Variants in FARP1 observed in about 807,000 individuals in gnomAD.
FARP1 encodes the protein FERM, ARH/RhoGEF and pleckstrin domain protein 1.
FARP1 carries 52 observed loss-of-function variants against 128.8 expected under a neutral mutation model. That is an observed-to-expected ratio of 0.40 (90% confidence interval 0.32 to 0.51). FARP1 has a LOEUF of 0.51. FARP1 is among the 20% of genes least tolerant of loss of function. The pLI, the probability that FARP1 is intolerant of heterozygous loss-of-function variation, is 0.45. For missense variants in FARP1, 1,333 were observed against 1,367.9 expected (o/e 0.97, Z 0.40); for synonymous variants, 580 against 551.8 (o/e 1.05, Z -0.72).
rs1297098572 is a variant in FARP1 at position 98,349,849 on chromosome 13, G to C, written c.276+5983G>C. The stretch of plus-strand genomic sequence containing the variant: ...CTTTGTCAATAGTGGGACTGCTTTT[G>C]AGGGGCAGGAGGTCATGGAAACTGC... On this transcript the variant is annotated intron_variant, in intron 3 of 26. Coordinates refer to ENST00000319562, the MANE Select transcript of FARP1 (RefSeq NM_005766.4). 2.0e-5 allele frequency among the ~76,000 whole-genome samples: 3 copies of C among 152,114 alleles called. No homozygotes were observed. The East Asian group carries it at 5.8e-4, about 29-fold the overall frequency.
At chr13:98,429,240 C>T (rs1436257446) in intron 17 of FARP1, among the ~76,000 whole-genome samples, 2 of 152,144 alleles carry the variant, frequency 1.3e-5, no homozygotes, top group African/African-American at 4.8e-5. Context: ...CGGAGTAACC[C>T]CGAGGGATGG....
intron 1 of FARP1, among the ~76,000 whole-genome samples, chr13:98,196,741 C>T (rs77286948): frequency 0.035 from 5,352 of 152,274 alleles, 299 homozygotes; most frequent in African/African-American, 0.12. Context: ...TCCCTTTCAG[C>T]AATCTGCAGC....
At chr13:98,442,064 A>G (rs1471455577) in intron 24 of FARP1, among the ~76,000 whole-genome samples, 1 of 152,230 alleles carries the variant, frequency 6.6e-6, no homozygotes, top group Non-Finnish European at 1.5e-5. Flanking sequence ...AGCTGGGGCG[A>G]GGCCATTCAT....
At chr13:98,387,071 C>T (rs1251276643) in intron 8 of FARP1, among the ~76,000 whole-genome samples, 4 of 152,138 alleles carry the variant, frequency 2.6e-5, no homozygotes, top group Admixed American at 6.5e-5. Context: ...GAGGCTGAGA[C>T]GGGTGGATCA....
At chr13:98,423,762 C>A (rs190404270) in intron 16 of FARP1, among the ~76,000 whole-genome samples, 10 of 152,316 alleles carry the variant, frequency 6.6e-5, no homozygotes, top group African/African-American at 2.4e-4. Flanking sequence ...ACTAAAAGGG[C>A]TCATGACTAT....
chr13:98,176,622 A>C lies in FARP1; in HGVS notation c.-24+33130A>C. The C allele has an allele frequency of 6.2e-7, 1 of 1,614,190 alleles. No homozygotes were observed. ...GGAATTTGCAGCTGTCCCCGAAGCCACAGAAGCCAGTCTCCTTGTAGTCCT... is the reference window on the plus strand; with the variant it reads ...GGAATTTGCAGCTGTCCCCGAAGCCCCAGAAGCCAGTCTCCTTGTAGTCCT... On this transcript the variant is annotated intron_variant, in intron 1 of 26. Coordinates refer to ENST00000319562, the MANE Select transcript of FARP1 (RefSeq NM_005766.4). This position sits in a 1 kb window ranked among gnomAD's most constrained non-coding sequence, Gnocchi z 6.2.
At chr13:98,336,995 G>C (rs1303687051) in intron 2 of FARP1, among the ~76,000 whole-genome samples, 3 of 152,146 alleles carry the variant, frequency 2.0e-5, no homozygotes, top group African/African-American at 7.2e-5. Context: ...GATAGTGAAC[G>C]GGGTGGTTTC....
At chr13:98,386,077 A>G (rs1890081412) in intron 8 of FARP1, 2 of 422,222 alleles carry the variant, frequency 4.7e-6, no homozygotes, top group Non-Finnish European at 8.6e-6. Flanking sequence ...AGAAACATGT[A>G]GCTCTCCATG....
At chr13:98,438,725 C>A in intron 19 of FARP1, 79 bp from the exon 20 acceptor site, 1 of 1,165,610 alleles carries the variant, frequency 8.6e-7, no homozygotes, top group Non-Finnish European at 1.3e-6. Context: ...CAAATTTAGC[C>A]CTCGGGGTCT....
intron 2 of FARP1, among the ~76,000 whole-genome samples, chr13:98,214,806 A>G (rs1173915199): frequency 6.6e-6 from 1 of 152,214 alleles, no homozygotes; most frequent in Non-Finnish European, 1.5e-5. Context: ...ATCTGCTAAA[A>G]TCATAGACTG....
intron 1 of FARP1, among the ~76,000 whole-genome samples, chr13:98,197,171 A>G (rs1179609281): frequency 6.6e-6 from 1 of 152,174 alleles, no homozygotes; most frequent in Admixed American, 6.5e-5. Flanking sequence ...AAAGTTGTAT[A>G]AGATGATGAT....
chr13:98,184,581 G>A (rs1205646298), intron 1 of FARP1, among the ~76,000 whole-genome samples: 3 of 152,218 alleles, frequency 2.0e-5, no homozygotes, highest in Non-Finnish European at 2.9e-5. Context: ...AAGGAAGTAC[G>A]ACTCTACATT....
At chr13:98,299,225 C>T (rs180872339) in intron 2 of FARP1, among the ~76,000 whole-genome samples, 1 of 152,310 alleles carries the variant, frequency 6.6e-6, no homozygotes, top group East Asian at 1.9e-4. Flanking sequence ...ACCATTGTTA[C>T]AAAACTTTGC....
intron 17 of FARP1, 87 bp downstream of exon 17, chr13:98,424,737 A>T: frequency 1.2e-6 from 1 of 856,242 alleles, no homozygotes; most frequent in Non-Finnish European, 2.0e-6. Context: ...AGCCATTTCC[A>T]TCAGCATGCA....
At chr13:98,428,254 C>T (rs1437437551) in intron 17 of FARP1, among the ~76,000 whole-genome samples, 1 of 152,180 alleles carries the variant, frequency 6.6e-6, no homozygotes, top group Admixed American at 6.5e-5. Flanking sequence ...ACACATCCAT[C>T]CAGACGCACA....
chr13:98,452,118 C>T lies in FARP1; in HGVS notation c.*3801C>T, dbSNP rs527352793. On this transcript the variant is annotated 3_prime_UTR_variant, in exon 27 of 27. Transcript: ENST00000319562. ...CACGGCCACACATACACAGCAGGTG[C>T]CCTGTCCTCTGAAGAGTCACATTTC... 4.6e-5 allele frequency: 7 copies of T among 152,304 alleles called. No individual in the cohort carries two copies. The highest frequency in any genetic ancestry group is 1.7e-4 in the African/African-American group (7 of 41,564). 9.4% of individuals were successfully genotyped at this position (152,304 alleles called of 1,614,324 possible).
At chr13:98,313,425 G>T (rs552605271) in intron 2 of FARP1, among the ~76,000 whole-genome samples, 1 of 152,336 alleles carries the variant, frequency 6.6e-6, no homozygotes, top group East Asian at 1.9e-4. Flanking sequence ...CCAGGAGCGG[G>T]ATGCCAGGGC....
chr13:98,329,754 T>C (rs1266478637), intron 2 of FARP1: 6 of 152,200 alleles, frequency 3.9e-5, no homozygotes, highest in Non-Finnish European at 7.3e-5. Flanking sequence ...GGTCTCTCCA[T>C]GGGAATTATG....
chr13:98,358,767 T>G (rs959329387), intron 3 of FARP1, among the ~76,000 whole-genome samples: 1 of 151,880 alleles, frequency 6.6e-6, no homozygotes, highest in African/African-American at 2.4e-5. Flanking sequence ...TCTCGAGTAG[T>G]TGGGACTACA....
Sources: allele counts gnomAD v4.1 joint callset (sites outside exome capture counted in the v4.1 genomes callset), GRCh38; gene constraint gnomAD v4.1.1; non-coding constraint Gnocchi (gnomAD v3.1); transcripts MANE v1.5; gene names NCBI Gene and HGNC (gene_info 2026-07-23, HGNC 2026-07-21).